SLC4A10: variants seen among roughly 807,000 people sequenced by gnomAD.
SLC4A10 encodes the protein sodium-driven chloride bicarbonate exchanger.
A neutral mutation model predicts 137.7 loss-of-function variants in SLC4A10; 42 were observed. That is an observed-to-expected ratio of 0.30 (90% confidence interval 0.24 to 0.39). SLC4A10 has a LOEUF of 0.39. SLC4A10 is among the 10% of genes least tolerant of loss of function. The probability of loss-of-function intolerance (pLI) is 1.00; values close to 1 mark genes in which losing one functional copy is unlikely to be tolerated. For synonymous variants in SLC4A10, 474 were observed against 464.1 expected, an observed-to-expected ratio of 1.02 and a Z score of -0.27; for missense variants, 925 against 1,355.0, an observed-to-expected ratio of 0.68 and a Z score of 4.98.
At chr2:161,777,079 C>T (rs1036530537) in intron 2 of SLC4A10, among the ~76,000 whole-genome samples, 10 of 149,604 alleles carry the variant, frequency 6.7e-5, no homozygotes, top group Non-Finnish European at 1.0e-4. Flanking sequence ...GACACTTAAC[C>T]CTATCAAATT....
chr2:161,925,170 C>G (rs780200184), intron 15 of SLC4A10, among the ~76,000 whole-genome samples: 1 of 152,212 alleles, frequency 6.6e-6, no homozygotes, highest in Non-Finnish European at 1.5e-5. Flanking sequence ...GAGTTTCCAT[C>G]TGGTCCTGGA....
intron 23 of SLC4A10, among the ~76,000 whole-genome samples, chr2:161,969,179 T>C (rs916419081): frequency 2.0e-5 from 3 of 152,074 alleles, no homozygotes; most frequent in African/African-American, 7.2e-5. Context: ...GCCTCCAGGG[T>C]TTTCCTATCA....
At chr2:161,776,565 A>G (rs1376728362) in intron 2 of SLC4A10, among the ~76,000 whole-genome samples, 1 of 151,888 alleles carries the variant, frequency 6.6e-6, no homozygotes, top group African/African-American at 2.4e-5. Flanking sequence ...GTTGAATAAC[A>G]TCTCATTGCA....
intron 17 of SLC4A10, among the ~76,000 whole-genome samples, chr2:161,948,392 T>C (rs1694211691): frequency 1.3e-5 from 2 of 152,152 alleles, no homozygotes; most frequent in South Asian, 4.1e-4. Context: ...TTCTTTTTTG[T>C]CACCACTTTC....
intron 1 of SLC4A10, among the ~76,000 whole-genome samples, chr2:161,681,187 A>G (rs2040813484): frequency 6.6e-6 from 1 of 152,074 alleles, no homozygotes; most frequent in Non-Finnish European, 1.5e-5. Flanking sequence ...AACATAGTGG[A>G]CTCTCAATCT....
intron 1 of SLC4A10, among the ~76,000 whole-genome samples, chr2:161,715,811 T>A (rs531091533): frequency 3.0e-4 from 45 of 152,134 alleles, no homozygotes; most frequent in Non-Finnish European, 4.6e-4. Flanking sequence ...TACGCACGCA[T>A]GTATCTTTAT....
chr2:161,668,307 G>A (rs1273180306), intron 1 of SLC4A10, among the ~76,000 whole-genome samples: 2 of 151,706 alleles, frequency 1.3e-5, no homozygotes, highest in Admixed American at 6.6e-5. Context: ...AAATTTAGCC[G>A]GGAGAAGAGA....
chr2:161,796,664 A>G (rs1455989890), intron 2 of SLC4A10, among the ~76,000 whole-genome samples: 1 of 152,116 alleles, frequency 6.6e-6, no homozygotes, highest in African/African-American at 2.4e-5. Context: ...TTATCTATGT[A>G]TTTTTCATTT....
intron 26 of SLC4A10, among the ~76,000 whole-genome samples, chr2:161,979,752 C>T (rs1299722841): frequency 1.3e-5 from 2 of 152,168 alleles, no homozygotes; most frequent in African/African-American, 4.8e-5. Flanking sequence ...ACCCAAAGAG[C>T]AGGTTACTAA....
intron 11 of SLC4A10, among the ~76,000 whole-genome samples, chr2:161,900,056 T>A (rs908692780): frequency 1.3e-5 from 2 of 152,126 alleles, no homozygotes; most frequent in African/African-American, 4.8e-5. Flanking sequence ...AAATCATAAT[T>A]TCACCACTTA....
intron 15 of SLC4A10, among the ~76,000 whole-genome samples, chr2:161,935,255 A>G (rs1010403202): frequency 1.3e-5 from 2 of 152,094 alleles, no homozygotes; most frequent in African/African-American, 4.8e-5. Context: ...GTCTATTTTT[A>G]TGCCAGTGCC....
intron 1 of SLC4A10, among the ~76,000 whole-genome samples, chr2:161,679,149 G>A (rs567436383): frequency 6.6e-6 from 1 of 152,052 alleles, no homozygotes; most frequent in Admixed American, 6.6e-5. Flanking sequence ...TAGTCATTCT[G>A]GTATTTAGTG....
intron 2 of SLC4A10, among the ~76,000 whole-genome samples, chr2:161,794,412 A>G (rs1418223376): frequency 3.3e-5 from 5 of 152,152 alleles, no homozygotes; most frequent in Admixed American, 6.5e-5. Context: ...AATAATAATA[A>G]TGATAGTAAA....
At chr2:161,706,798 T>C (rs2043717806) in intron 1 of SLC4A10, among the ~76,000 whole-genome samples, 1 of 151,658 alleles carries the variant, frequency 6.6e-6, no homozygotes, top group South Asian at 2.1e-4. Flanking sequence ...CAGAATCTTC[T>C]GTTTTAACAG....
chr2:161,724,272 A>T (rs1373343708), intron 1 of SLC4A10, among the ~76,000 whole-genome samples: 1 of 152,166 alleles, frequency 6.6e-6, no homozygotes, highest in Non-Finnish European at 1.5e-5. Flanking sequence ...GGGTTTGCCT[A>T]CTTAAACTCA....
intron 15 of SLC4A10, among the ~76,000 whole-genome samples, chr2:161,932,148 C>A (rs1460958289): frequency 1.3e-5 from 2 of 152,106 alleles, no homozygotes; most frequent in Non-Finnish European, 2.9e-5. Flanking sequence ...TTGGGAGAAT[C>A]TTCTCATTAA....
intron 21 of SLC4A10, among the ~76,000 whole-genome samples, chr2:161,963,405 T>C (rs569886665): frequency 1.1e-4 from 16 of 152,102 alleles, no homozygotes; most frequent in Non-Finnish European, 1.8e-4. Context: ...ATAAATGACG[T>C]GACAGTGCTG....
chr2:161,977,572 G>A (rs936640170), intron 25 of SLC4A10, 150 bp from the exon 26 acceptor site: 8 of 614,404 alleles, frequency 1.3e-5, no homozygotes, highest in Non-Finnish European at 2.0e-5. Flanking sequence ...TGAAGAAAGA[G>A]GAATTCCTAT....
chr2:161,844,177 C>T (rs905495477), intron 4 of SLC4A10, among the ~76,000 whole-genome samples: 6 of 152,020 alleles, frequency 3.9e-5, no homozygotes, highest in Non-Finnish European at 4.4e-5. Flanking sequence ...AGAGGCAAAG[C>T]AGGGGGTAGC....
Sources: allele counts gnomAD v4.1 joint callset (sites outside exome capture counted in the v4.1 genomes callset), GRCh38; gene constraint gnomAD v4.1.1; transcripts MANE v1.5; gene names NCBI Gene and HGNC (gene_info 2026-07-23, HGNC 2026-07-21).